SGCD: variants seen among roughly 807,000 people sequenced by gnomAD.
SGCD encodes sarcoglycan delta.
A neutral mutation model predicts 36.6 loss-of-function variants in SGCD; 18 were observed. The ratio of observed to expected loss-of-function variants is 0.49; its 90% CI spans 0.34 to 0.73. SGCD has a LOEUF of 0.73. Among genes scored for constraint, SGCD ranks in the 30% least tolerant of loss-of-function variants. The pLI, the probability that SGCD is intolerant of heterozygous loss-of-function variation, is 0.01. For synonymous variants in SGCD, 133 were observed against 130.6 expected (o/e 1.02, Z -0.12); for missense variants, 387 against 346.7 (o/e 1.12, Z -0.92).
At chr5:156,433,560 T>C (rs113452635) in intron 3 of SGCD, among the ~76,000 whole-genome samples, 3,621 of 152,294 alleles carry the variant, frequency 0.024, 157 homozygotes, top group African/African-American at 0.082. Context: ...GGCTAAGGAT[T>C]CCTGCCCTAC....
chr5:155,930,638 G>A (rs1208488692), intron 1 of SGCD, among the ~76,000 whole-genome samples: 1 of 152,086 alleles, frequency 6.6e-6, no homozygotes, highest in African/African-American at 2.4e-5. Flanking sequence ...TTAGCTCATG[G>A]ATTTTTCATA....
intron 1 of SGCD, among the ~76,000 whole-genome samples, chr5:156,040,064 C>T (rs1301752675): frequency 6.6e-6 from 1 of 152,172 alleles, no homozygotes; most frequent in Non-Finnish European, 1.5e-5. Flanking sequence ...AAAGAGCTGT[C>T]ATCCAGCTTC....
At chr5:156,207,300 G>A (rs979398350) in intron 3 of SGCD, among the ~76,000 whole-genome samples, 1 of 152,068 alleles carries the variant, frequency 6.6e-6, no homozygotes, top group African/African-American at 2.4e-5. Flanking sequence ...CAGTAAAATG[G>A]CATGGAGAGT....
the SGCD span, among the ~76,000 whole-genome samples, chr5:155,738,854 T>TGAGAGTGTGTGAGTGCGTGTGAGA: frequency 7.0e-6 from 1 of 143,546 alleles, no homozygotes; most frequent in Non-Finnish European, 1.5e-5. Flanking sequence ...AGTATGTATA[T>TGAGAGTGTGTGAGTGCGTGTGAGA]GAGAGTGTGT....
chr5:156,242,477 G>A (rs1403734383), intron 3 of SGCD, among the ~76,000 whole-genome samples: 2 of 152,128 alleles, frequency 1.3e-5, no homozygotes, highest in Non-Finnish European at 2.9e-5. Flanking sequence ...ACCTACGCAC[G>A]TGAGTACATG....
intron 4 of SGCD, among the ~76,000 whole-genome samples, chr5:156,578,487 T>C (rs1760083799): frequency 6.6e-6 from 1 of 152,242 alleles, no homozygotes; most frequent in African/African-American, 2.4e-5. Context: ...TCAGAAGGAA[T>C]GGTACCAGCT....
chr5:155,948,628 C>T (rs898647474), intron 1 of SGCD, among the ~76,000 whole-genome samples: 1 of 152,134 alleles, frequency 6.6e-6, no homozygotes, highest in East Asian at 1.9e-4. Flanking sequence ...CTCATTAGCT[C>T]CCCTGTGATA....
At chr5:155,730,445 C>CTGTG in the SGCD span, among the ~76,000 whole-genome samples, 1,519 of 137,268 alleles carry the variant, frequency 0.011, 10 homozygotes, top group Middle Eastern at 0.023. Flanking sequence ...GGTAGAGCAG[C>CTGTG]TGTGTGTGTG....
chr5:156,193,567 C>A (rs539664237), intron 3 of SGCD, among the ~76,000 whole-genome samples: 1 of 152,060 alleles, frequency 6.6e-6, no homozygotes, highest in South Asian at 2.1e-4. Flanking sequence ...CATTAGAGGA[C>A]AGCTAGGTGA....
intron 3 of SGCD, among the ~76,000 whole-genome samples, chr5:156,205,988 TA>T (rs1245622828): frequency 7.3e-6 from 1 of 136,476 alleles, no homozygotes; most frequent in Non-Finnish European, 1.6e-5. Flanking sequence ...TATATATATA[TA>T]TTTTATATAT....
chr5:156,616,765 A>G (rs1762035330), intron 6 of SGCD, among the ~76,000 whole-genome samples: 1 of 152,112 alleles, frequency 6.6e-6, no homozygotes, highest in East Asian at 1.9e-4. Context: ...TCCCATTATC[A>G]CTGTCTACAT....
rs1297883624 is a variant in SGCD at position 156,627,379 on chromosome 5, G to A, written c.503-20085G>A. Among the ~76,000 whole-genome samples the A allele has an allele frequency of 2.6e-5, 4 of 152,084 alleles. No individual in the cohort carries two copies. The East Asian group carries it at 7.7e-4, about 29-fold the overall frequency. ...GAGAGAGAGCACTTAACAGACCTAG[G>A]TAGACATCTTACCTTTAATCTCAAA... On this transcript the variant is annotated intron_variant, in intron 6 of 8. Transcript: ENST00000337851.
intron 4 of SGCD, among the ~76,000 whole-genome samples, chr5:156,569,667 T>C (rs1759639523): frequency 6.7e-6 from 1 of 149,374 alleles, no homozygotes; most frequent in African/African-American, 2.5e-5. Context: ...CTAAGTGAAA[T>C]GTGGAAAGAG....
At chr5:155,800,794 A>G in the SGCD span, among the ~76,000 whole-genome samples, 1 of 151,448 alleles carries the variant, frequency 6.6e-6, no homozygotes, top group Non-Finnish European at 1.5e-5. Flanking sequence ...CCTTTTCTCC[A>G]TTTACGTTAT....
rs556208970 is a variant in SGCD at position 156,344,627 on chromosome 5, G to T, written c.142G>T (p.Val48Leu). The T allele has an allele frequency of 1.9e-6, 3 of 1,611,702 alleles. No individual in the cohort carries two copies. The South Asian group carries it at 3.3e-5, about 18-fold the overall frequency. Residue 48 changes from valine to leucine, a missense_variant, in exon 3 of 9, where the codon GTG becomes TTG. Transcript: ENST00000337851. ...FVLLLMILILVNLAMTIWILK... is the reference protein window; with the variant it reads ...FVLLLMILILLNLAMTIWILK... The stretch of plus-strand genomic sequence containing the variant: ...CCTGCTCCTCATGATTTTAATACTG[G>T]TGAACTTGGCCATGACCATCTGGAT...
chr5:156,333,311 A>G (rs1290230297), intron 2 of SGCD, among the ~76,000 whole-genome samples: 3 of 152,222 alleles, frequency 2.0e-5, no homozygotes, highest in Non-Finnish European at 4.4e-5. Flanking sequence ...AGACATATCA[A>G]AGATGGTTTA....
At chr5:155,848,759 T>C in the SGCD span, among the ~76,000 whole-genome samples, 1 of 152,186 alleles carries the variant, frequency 6.6e-6, no homozygotes, top group Non-Finnish European at 1.5e-5. Flanking sequence ...ATCTCCACTA[T>C]AGCTCTTAGT....
At chr5:156,557,615 A>G (rs1759080292) in intron 4 of SGCD, among the ~76,000 whole-genome samples, 1 of 152,150 alleles carries the variant, frequency 6.6e-6, no homozygotes, top group Admixed American at 6.6e-5. Context: ...GCCTACACCT[A>G]TACTGGAAGA....
intron 3 of SGCD, among the ~76,000 whole-genome samples, chr5:156,196,676 C>T (rs1835915): frequency 6.6e-6 from 1 of 151,994 alleles, no homozygotes; most frequent in Non-Finnish European, 1.5e-5. Flanking sequence ...CCTTAAGCCA[C>T]CCAGCACTTG....
Sources: allele counts gnomAD v4.1 joint callset (sites outside exome capture counted in the v4.1 genomes callset), GRCh38; gene constraint gnomAD v4.1.1; transcripts MANE v1.5; gene names NCBI Gene and HGNC (gene_info 2026-07-23, HGNC 2026-07-21).